LOXL3: variants seen among roughly 807,000 people sequenced by gnomAD.
The protein encoded by LOXL3 is lysyl oxidase like 3, also known as lysyl oxidase homolog 3.
LOXL3 carries 60 observed loss-of-function variants against 91.8 expected under a neutral mutation model. The observed-to-expected ratio is 0.65, with a 90% CI of 0.53 to 0.81. LOXL3 has a LOEUF of 0.81. LOXL3 is among the 30% of genes least tolerant of loss of function. The pLI is 0.00. For missense variants in LOXL3, 874 were observed against 1,000.4 expected (o/e 0.87, Z 1.70); for synonymous variants, 355 against 387.6 (o/e 0.92, Z 0.99).
chr2:74,555,095 C>T (rs1677326986), upstream of LOXL3: 1 of 1,547,768 alleles, frequency 6.5e-7, no homozygotes, highest in Non-Finnish European at 8.7e-7. This position sits in a 1 kb window ranked among gnomAD's most constrained non-coding sequence, Gnocchi z 6.1. Context: ...CCTTCCCCGT[C>T]GGGACCCGGG....
At chr2:74,553,017 A>C in intron 1 of LOXL3, 1 of 214,254 alleles carries the variant, frequency 4.7e-6, no homozygotes, top group Non-Finnish European at 9.2e-6. Context: ...GAGAGAGAAA[A>C]CCAGAAAGAC....
Position 74,536,709 on chromosome 2 carries a change from C to T in LOXL3, c.912G>A (p.Glu304=), listed in dbSNP as rs1010703715. 44 of 1,613,916 alleles carry T rather than the reference C, an allele frequency of 2.7e-5. No homozygotes were observed. The highest frequency in any genetic ancestry group is 3.4e-5 in the Non-Finnish European group (40 of 1,179,908). The part of the protein sequence containing the change: ...KKQQQSKPQG[E]ARVRLKGGAH... ...AGGTCATAATCACTGTCTCACACAC[C>T]TCCCCCTGAGGCTTCGACTGTTGTT... The change falls in exon 5 of 14, where the codon GAG becomes GAA. Residue 304 remains glutamate, a splice_region_variant and synonymous_variant. Transcript: ENST00000264094. This position sits in a 1 kb window ranked among gnomAD's most constrained non-coding sequence, Gnocchi z 4.5.
intron 4 of LOXL3, among the ~76,000 whole-genome samples, chr2:74,544,294 C>T (rs1212540629): frequency 6.6e-6 from 1 of 151,894 alleles, no homozygotes; most frequent in Non-Finnish European, 1.5e-5. Context: ...AAGCCAGACT[C>T]CCTCTCAAAA....
Position 74,532,995 on chromosome 2 carries a change from C to G in LOXL3, c.*611G>C. The G allele has an allele frequency of 4.3e-6, 7 of 1,612,846 alleles. No homozygotes were observed. Among genetic ancestry groups the G allele is most frequent in the Non-Finnish European group, 5.1e-6 (6 of 1,179,262 alleles). ...TGAGGTCACAGAATGAATAGATCACCAAGAGTATGAGGCTCCTGCTCTGAT... is the reference window on the plus strand; with the variant it reads ...TGAGGTCACAGAATGAATAGATCACGAAGAGTATGAGGCTCCTGCTCTGAT... On this transcript the variant is annotated 3_prime_UTR_variant, in exon 14 of 14. Transcript: ENST00000264094.
chr2:74,536,468 G>T lies in LOXL3; in HGVS notation c.916C>A (p.Arg306Ser). 2.5e-6 allele frequency: 4 copies of T among 1,612,284 alleles called. No individual in the cohort carries two copies. The South Asian group carries it at 4.4e-5, about 18-fold the overall frequency. ...QQQSKPQGEA[R>S]VRLKGGAHPG... Reference sequence around the variant, plus strand: ...TGGGCGCCGCCCTTTAGACGGACACGGGCCTATAGAAGAGAGAAGTGCCCA... The same window carrying T: ...TGGGCGCCGCCCTTTAGACGGACACTGGCCTATAGAAGAGAGAAGTGCCCA... Residue 306 changes from arginine to serine, a missense_variant, in exon 6 of 14, where the codon CGT (arginine) becomes AGT (serine). Arg to Ser is a moderately radical substitution (Grantham distance 110). Transcript: ENST00000264094. The surrounding 1 kb of genome is among the most constrained non-coding windows in gnomAD (Gnocchi z 4.5).
In LOXL3 at chr2:74,534,082, GC is replaced by G; in HGVS notation, c.2076+17del. ...GCTCCCCCCACTCACCCATCTGGAA[GC>G]CCCAGACTCCAGGTACCTGGAGAAT... On this transcript the variant is annotated intron_variant, in intron 12 of 13. Transcript: ENST00000264094. The G allele has an allele frequency of 3.1e-6, 5 of 1,613,450 alleles. No homozygotes were observed. The highest frequency in any genetic ancestry group is 4.2e-6 in the Non-Finnish European group (5 of 1,179,446).
intron 4 of LOXL3, among the ~76,000 whole-genome samples, chr2:74,546,380 G>C (rs1016116007): frequency 4.6e-5 from 7 of 152,026 alleles, no homozygotes; most frequent in African/African-American, 1.7e-4. Flanking sequence ...CAGAACAAAA[G>C]CCATCCTCTC....
intron 4 of LOXL3, among the ~76,000 whole-genome samples, chr2:74,547,590 A>G (rs899383908): frequency 6.6e-6 from 1 of 152,120 alleles, no homozygotes; most frequent in African/African-American, 2.4e-5. Flanking sequence ...ACTGAAAGAC[A>G]TTTCAGATGA....
chr2:74,541,015 G>A (rs751682428), intron 4 of LOXL3, among the ~76,000 whole-genome samples: 1 of 152,158 alleles, frequency 6.6e-6, no homozygotes, highest in Non-Finnish European at 1.5e-5. Flanking sequence ...CTCTTGAGGA[G>A]TCATATTTCA....
chr2:74,533,538 C>T lies in LOXL3; in HGVS notation c.*68G>A. 7.0e-7 allele frequency: 1 copy of T among 1,437,630 alleles called. No homozygotes were observed. Among genetic ancestry groups the T allele is most frequent in the African/African-American group, 1.4e-5 (1 of 71,068 alleles). 89.1% of individuals were successfully genotyped at this position (1,437,630 alleles called of 1,614,324 possible). A position where few individuals can be genotyped will look rare whatever the true frequency, so the allele number is the denominator to read the frequency against. ...CTGACATGGGTTTCTTGGTAAGCTC[C>T]TGAGGTAATGGCAGCCTCAGACCCC... On this transcript the variant is annotated 3_prime_UTR_variant, in exon 14 of 14. Transcript: ENST00000264094.
Position 74,535,307 on chromosome 2 carries a change from C to T in LOXL3, c.1564G>A (p.Val522Ile), listed in dbSNP as rs143253564. 2 of 1,613,772 alleles carry T rather than the reference C, an allele frequency of 1.2e-6. No individual in the cohort carries two copies. The highest frequency in any genetic ancestry group is 1.7e-6 in the Non-Finnish European group (2 of 1,179,958). Residue 522 changes from valine (V) to isoleucine (I), a missense_variant, in exon 9 of 14, where the codon GTC becomes ATC. By Grantham distance (29) the Val-to-Ile change is conservative. Coordinates refer to ENST00000264094, the MANE Select transcript of LOXL3 (RefSeq NM_032603.5). The surrounding 1 kb of genome is among the most constrained non-coding windows in gnomAD (Gnocchi z 4.2). ...CTTCACTCACTCTCAGAACAGATGA[C>T]TCCAGCAGTGAAGCGGGTCCCTGTC... ...KRTGTRFTAGVICSETASDLL... is the reference protein window; with the variant it reads ...KRTGTRFTAGIICSETASDLL...
At chr2:74,542,840 G>T (rs2104418376) in intron 4 of LOXL3, among the ~76,000 whole-genome samples, 1 of 152,108 alleles carries the variant, frequency 6.6e-6, no homozygotes, top group African/African-American at 2.4e-5. Flanking sequence ...GGCCAGGCTG[G>T]TCTCAAACTC....
Position 74,536,334 on chromosome 2 carries a change from G to A in LOXL3, c.1050C>T (p.Phe350=), listed in dbSNP as rs780024294. 2.9e-5 allele frequency: 47 copies of A among 1,613,832 alleles called. No homozygotes were observed. The highest frequency in any genetic ancestry group is 1.6e-4 in the Middle Eastern group (1 of 6,084). ...AASVVCRELG[F]GSAREALSGA... is the part of the protein sequence containing the mutation. ...CACTCAGAGCTTCTCGAGCACTCCC[G>A]AAGCCCAGCTCCCGACACACCACGC... The change falls in exon 6 of 14, where the codon TTC becomes TTT. Residue 350 remains phenylalanine (F), a synonymous_variant. Coordinates refer to ENST00000264094, the MANE Select transcript of LOXL3 (RefSeq NM_032603.5). The surrounding 1 kb of genome is among the most constrained non-coding windows in gnomAD (Gnocchi z 4.5).
Position 74,533,151 on chromosome 2 carries a change from T to C in LOXL3, c.*455A>G. 1 of 632,280 alleles carries C rather than the reference T, an allele frequency of 1.6e-6. No individual in the cohort carries two copies. Among genetic ancestry groups the C allele is most frequent in the Non-Finnish European group, 2.8e-6 (1 of 362,660 alleles). 39.2% of individuals were successfully genotyped at this position (632,280 alleles called of 1,614,324 possible). On this transcript the variant is annotated 3_prime_UTR_variant, in exon 14 of 14. Coordinates refer to ENST00000264094, the MANE Select transcript of LOXL3 (RefSeq NM_032603.5). ...TGAAGAATCACAGAAACACTTTTTA[T>C]ATAAAATAAAATTATACCTAGCAAC...
At chr2:74,538,347 C>G (rs1430878528) in intron 4 of LOXL3, among the ~76,000 whole-genome samples, 1 of 152,180 alleles carries the variant, frequency 6.6e-6, no homozygotes, top group East Asian at 1.9e-4. Flanking sequence ...TTCTGAGATC[C>G]TTTGAAACCA....
At position 74,535,611 on chromosome 2, in the gene LOXL3, C is replaced by G; in HGVS notation, c.1393G>C (p.Gly465Arg). The G allele has an allele frequency of 6.2e-7, 1 of 1,614,120 alleles. No individual in the cohort carries two copies. The highest frequency in any genetic ancestry group is 8.5e-7 in the Non-Finnish European group (1 of 1,180,036). ...ACCTGCAGGCCGTGGTTGGCGTAGC[C>G]CAGACCCAGTTGCCTACAGGCCACC... ...AMVACRQLGL[G>R]YANHGLQETW... The change falls in exon 8 of 14, where the codon GGC becomes CGC. Residue 465 changes from glycine (G) to arginine (R), a missense_variant. By Grantham distance (125) the Gly-to-Arg change is moderately radical. Transcript: ENST00000264094. The surrounding 1 kb of genome is among the most constrained non-coding windows in gnomAD (Gnocchi z 4.2).
At chr2:74,539,987 T>G (rs1676231299) in intron 4 of LOXL3, 1 of 152,572 alleles carries the variant, frequency 6.6e-6, no homozygotes, top group Non-Finnish European at 1.5e-5. Flanking sequence ...CAGCAGACAC[T>G]CCTGAGACCC....
chr2:74,534,940 G>A (rs1370837189), intron 9 of LOXL3, among the ~76,000 whole-genome samples, 166 bp from the exon 10 acceptor site: 1 of 152,140 alleles, frequency 6.6e-6, no homozygotes, highest in African/African-American at 2.4e-5. Context: ...ATGCAGCGGC[G>A]TGATCTTGGC....
rs1558629601 is a variant in LOXL3, at chr2:74,549,651, G to A, written c.478-68C>T. 6.6e-7 allele frequency: 1 copy of A among 1,519,218 alleles called. No homozygotes were observed. The allele number at this position is 1,519,218 out of a possible 1,614,324, so 94.1% of individuals were successfully genotyped here. A position where few individuals can be genotyped will look rare whatever the true frequency, so the allele number is the denominator to read the frequency against. ...CTTTCATGTGTCCCGCCGCCCTTAA[G>A]GAACCCTGCTTGGTGTGCCTGCTGT... On this transcript the variant is annotated intron_variant, in intron 3 of 13. Transcript: ENST00000264094. The surrounding 1 kb of genome is among the most constrained non-coding windows in gnomAD (Gnocchi z 5.3).
Sources: gnomAD v4.1 joint callset for allele counts (sites outside exome capture counted in the v4.1 genomes callset) on GRCh38, gnomAD v4.1.1 for gene constraint, Gnocchi (gnomAD v3.1) non-coding constraint, MANE v1.5 for transcripts, NCBI Gene and HGNC (gene_info 2026-07-23, HGNC 2026-07-21) for gene names.